Variants in MGAT4C observed in about 807,000 individuals in gnomAD.
The protein encoded by MGAT4C is alpha-1,3-mannosyl-glycoprotein 4-beta-N-acetylglucosaminyltransferase C.
In MGAT4C, 19 loss-of-function variants were observed where a neutral mutation model predicts 40.1. The ratio of observed to expected loss-of-function variants is 0.47; its 90% confidence interval spans 0.33 to 0.70. The LOEUF (loss-of-function observed/expected upper bound fraction) is 0.70. Ranked by LOEUF, MGAT4C falls within the 30% of genes least tolerant of loss-of-function variation. The probability of loss-of-function intolerance (pLI) is 0.02; values close to 1 mark genes in which losing one functional copy is unlikely to be tolerated. For synonymous variants in MGAT4C, 181 were observed against 187.1 expected, an observed-to-expected ratio of 0.97 and a Z score of 0.27; for missense variants, 491 against 563.2, an observed-to-expected ratio of 0.87 and a Z score of 1.30.
intron 2 of MGAT4C, among the ~76,000 whole-genome samples, chr12:86,442,744 T>A (rs2136279772): frequency 6.8e-6 from 1 of 146,716 alleles, no homozygotes; most frequent in Non-Finnish European, 1.5e-5. Flanking sequence ...CAGTGTTGAC[T>A]GGTCAACAAA....
Position 86,398,020 on chromosome 12 carries a change from T to C in MGAT4C, c.-120+37137A>G, listed in dbSNP as rs1361363993. On this transcript the variant is annotated intron_variant, in intron 3 of 7. Coordinates refer to the MGAT4C transcript ENST00000548651. ...TAGCATCAGAATATTTGGAAGTTTG[T>C]ATTCCGAGAAACAATTAGCATTATT... Among the ~76,000 whole-genome samples the C allele has an allele frequency of 2.0e-5, 3 of 152,326 alleles. No individual in the cohort carries two copies. In the East Asian group the frequency reaches 5.8e-4, roughly 29 times the overall value.
intron 1 of MGAT4C, among the ~76,000 whole-genome samples, chr12:86,186,836 C>CTGT (rs1888814552): frequency 6.6e-6 from 1 of 152,138 alleles, no homozygotes; most frequent in South Asian, 2.1e-4. Context: ...AAACAGCCTG[C>CTGT]TGTTGTTCTT....
At chr12:86,328,445 A>G (rs1245524276) in intron 4 of MGAT4C, among the ~76,000 whole-genome samples, 1 of 152,206 alleles carries the variant, frequency 6.6e-6, no homozygotes. Context: ...ACAGTAATAG[A>G]ATACTTGAAT....
intron 2 of MGAT4C, among the ~76,000 whole-genome samples, chr12:86,641,465 C>G (rs1054892298): frequency 1.3e-5 from 2 of 151,590 alleles, no homozygotes; most frequent in Non-Finnish European, 2.9e-5. Flanking sequence ...CACATGTATA[C>G]ATATGTAACT....
intron 3 of MGAT4C, among the ~76,000 whole-genome samples, chr12:86,409,859 T>C (rs1433883070): frequency 6.6e-6 from 1 of 152,078 alleles, no homozygotes; most frequent in Non-Finnish European, 1.5e-5. Context: ...TTTCCCTAAG[T>C]GTTGGCCGAT....
intron 1 of MGAT4C, among the ~76,000 whole-genome samples, chr12:86,099,386 G>GC (rs893448537): frequency 1.6e-4 from 4 of 25,200 alleles, no homozygotes; most frequent in African/African-American, 4.4e-4. Flanking sequence ...TCTTTCTTTT[G>GC]GGGGGGGGCA....
intron 2 of MGAT4C, among the ~76,000 whole-genome samples, chr12:86,700,164 G>T (rs1440030346): frequency 7.0e-6 from 1 of 142,292 alleles, no homozygotes; most frequent in African/African-American, 2.6e-5. Flanking sequence ...CAGACAGACA[G>T]ACAGACAGAC....
At chr12:86,206,677 T>C (rs902259275) in intron 1 of MGAT4C, among the ~76,000 whole-genome samples, 2 of 152,134 alleles carry the variant, frequency 1.3e-5, no homozygotes, top group Non-Finnish European at 2.9e-5. Flanking sequence ...CTTCCCACAA[T>C]TCCTTCGTCC....
At chr12:86,041,863 C>T (rs1007513243) in intron 2 of MGAT4C, among the ~76,000 whole-genome samples, 4 of 152,094 alleles carry the variant, frequency 2.6e-5, no homozygotes, top group African/African-American at 9.7e-5. Context: ...TCCTGAATAT[C>T]TTCGTTAGTT....
chr12:86,240,670 A>G (rs1951747244), intron 1 of MGAT4C, among the ~76,000 whole-genome samples: 1 of 152,128 alleles, frequency 6.6e-6, no homozygotes, highest in Non-Finnish European at 1.5e-5. Flanking sequence ...CTCTCTTTCC[A>G]AAATCATTTG....
intron 2 of MGAT4C, among the ~76,000 whole-genome samples, chr12:86,603,529 A>ATAATATATAC (rs1360082292): frequency 4.8e-5 from 1 of 20,632 alleles, no homozygotes; most frequent in Non-Finnish European, 1.5e-4. Flanking sequence ...TATAGACTAT[A>ATAATATATAC]TATAGTCTAT....
At chr12:86,778,126 A>T (rs1428494473) in intron 1 of MGAT4C, among the ~76,000 whole-genome samples, 1 of 152,148 alleles carries the variant, frequency 6.6e-6, no homozygotes, top group Admixed American at 6.6e-5. Context: ...GCTTTCTATC[A>T]TATAAAAATG....
At chr12:86,831,396 G>A (rs1354991907) in intron 1 of MGAT4C, among the ~76,000 whole-genome samples, 2 of 151,536 alleles carry the variant, frequency 1.3e-5, no homozygotes, top group Non-Finnish European at 3.0e-5. Flanking sequence ...ATTTGTGATG[G>A]GATAAGAAGA....
chr12:86,429,947 G>A (rs187341343), intron 3 of MGAT4C, among the ~76,000 whole-genome samples: 7 of 152,134 alleles, frequency 4.6e-5, no homozygotes, highest in African/African-American at 1.4e-4. Flanking sequence ...CATAATTACT[G>A]TAAGCTTTAT....
At chr12:86,359,216 C>T (rs1183897464) in intron 3 of MGAT4C, among the ~76,000 whole-genome samples, 5 of 152,244 alleles carry the variant, frequency 3.3e-5, no homozygotes, top group Middle Eastern at 3.4e-3. Flanking sequence ...ACAACCTGCT[C>T]CTGAAGGACT....
At chr12:86,191,788 G>GTGTGTGTGTGTGTT (rs10526767) in intron 1 of MGAT4C, among the ~76,000 whole-genome samples, 1 of 132,332 alleles carries the variant, frequency 7.6e-6, no homozygotes, top group Non-Finnish European at 1.7e-5. Flanking sequence ...GTGTGTGTGT[G>GTGTGTGTGTGTGTT]GTGTTTTCAG....
chr12:86,366,634 G>A (rs541090689), intron 3 of MGAT4C, among the ~76,000 whole-genome samples: 46 of 152,166 alleles, frequency 3.0e-4, no homozygotes, highest in East Asian at 3.9e-4. Context: ...CTCACTACCC[G>A]GATGACGAAA....
chr12:86,082,341 A>G (rs1870988126), intron 1 of MGAT4C, among the ~76,000 whole-genome samples: 1 of 152,196 alleles, frequency 6.6e-6, no homozygotes, highest in Admixed American at 6.5e-5. Context: ...GGTTCTTTTT[A>G]GCATTGCTGT....
At chr12:86,585,363 G>A (rs1284258749) in intron 2 of MGAT4C, among the ~76,000 whole-genome samples, 1 of 151,404 alleles carries the variant, frequency 6.6e-6, no homozygotes, top group Admixed American at 6.6e-5. Flanking sequence ...TATGTGTAAT[G>A]CATTGAACTA....
Sources: gnomAD v4.1 joint callset for allele counts (sites outside exome capture counted in the v4.1 genomes callset) on GRCh38, gnomAD v4.1.1 for gene constraint, MANE v1.5 for transcripts, NCBI Gene and HGNC (gene_info 2026-07-23, HGNC 2026-07-21) for gene names.